Variants in LRP1B observed in about 807,000 individuals in gnomAD.
LRP1B encodes the protein low-density lipoprotein receptor-related protein 1B.
A neutral mutation model predicts 556.6 loss-of-function variants in LRP1B; 217 were observed. That is an observed-to-expected ratio of 0.39 (90% CI 0.35 to 0.44). LRP1B has a LOEUF of 0.44. LRP1B is among the 20% of genes least tolerant of loss of function. LRP1B has a pLI of 1.00. For missense variants in LRP1B, 5,053 were observed against 5,620.8 expected, an observed-to-expected ratio of 0.90 and a Z score of 3.23; for synonymous variants, 2,047 against 1,865.8, an observed-to-expected ratio of 1.10 and a Z score of -2.50.
chr2:140,340,865 C>T lies in LRP1B; in HGVS notation c.11893-5027G>A, dbSNP rs1681355771. Among the ~76,000 whole-genome samples, 5 of 151,368 alleles carry T rather than the reference C, an allele frequency of 3.3e-5. No individual in the cohort carries two copies. The Admixed American group carries it at 3.3e-4, about 10-fold the overall frequency. Reference sequence around the variant, plus strand: ...TCAGTTTGTGTCTATCACCAGTGTTCCCAATGTTTATACCTAACCTATTTC... The same window carrying T: ...TCAGTTTGTGTCTATCACCAGTGTTTCCAATGTTTATACCTAACCTATTTC... On this transcript the variant is annotated intron_variant, in intron 77 of 90. Transcript: ENST00000389484.
intron 1 of LRP1B, among the ~76,000 whole-genome samples, chr2:141,857,486 G>A (rs1275207670): frequency 6.6e-6 from 1 of 151,296 alleles, no homozygotes; most frequent in Admixed American, 6.6e-5. Context: ...GACTATAGGT[G>A]TATGCCCAGC....
intron 27 of LRP1B, among the ~76,000 whole-genome samples, chr2:140,866,283 C>T (rs1444103995): frequency 1.3e-5 from 2 of 152,078 alleles, no homozygotes; most frequent in Non-Finnish European, 1.5e-5. Flanking sequence ...GAAGGAAATT[C>T]TAGAGAAGCG....
At chr2:141,913,965 C>G (rs1319488720) in intron 1 of LRP1B, among the ~76,000 whole-genome samples, 3 of 152,100 alleles carry the variant, frequency 2.0e-5, no homozygotes, top group Non-Finnish European at 4.4e-5. Flanking sequence ...CCAGGATGGT[C>G]TCGATCTCCT....
intron 43 of LRP1B, among the ~76,000 whole-genome samples, chr2:140,563,115 C>T (rs973090558): frequency 6.6e-6 from 1 of 151,874 alleles, no homozygotes; most frequent in Non-Finnish European, 1.5e-5. Context: ...AAGCATAGAA[C>T]TCAAAGTTTC....
chr2:140,671,733 AT>A (rs1559045775), intron 41 of LRP1B, among the ~76,000 whole-genome samples: 1 of 151,946 alleles, frequency 6.6e-6, no homozygotes, highest in Non-Finnish European at 1.5e-5. Flanking sequence ...CATCTAGGAT[AT>A]TTTTTCCATC....
intron 77 of LRP1B, among the ~76,000 whole-genome samples, chr2:140,349,414 C>T (rs559051342): frequency 6.6e-6 from 1 of 151,918 alleles, no homozygotes; most frequent in East Asian, 1.9e-4. Context: ...ACAGAATCAT[C>T]CTGTTAATAG....
At chr2:140,264,415 G>A (rs1159509771) in intron 86 of LRP1B, among the ~76,000 whole-genome samples, 2 of 152,072 alleles carry the variant, frequency 1.3e-5, no homozygotes, top group African/African-American at 4.8e-5. Context: ...TTTTAGTGGG[G>A]ATGGGGTTTC....
At chr2:141,736,147 C>T (rs1186487108) in intron 2 of LRP1B, among the ~76,000 whole-genome samples, 2 of 151,966 alleles carry the variant, frequency 1.3e-5, no homozygotes, top group African/African-American at 4.8e-5. Context: ...CCTTGGAAAC[C>T]CAGACTAAAT....
rs139092560 is a variant in LRP1B, at chr2:141,102,902, T to C, written c.1014-40629A>G. ...AGTGAAACCCAAGTGAAATGTTTAC[T>C]TCTTAAACATCAGCACCAATTGTGA... On this transcript the variant is annotated intron_variant, in intron 7 of 90. Coordinates refer to ENST00000389484, the MANE Select transcript of LRP1B (RefSeq NM_018557.3). Among the ~76,000 whole-genome samples the C allele has an allele frequency of 9.0e-3, 1,371 of 152,246 alleles. 21 individuals carry two copies. The highest frequency in any genetic ancestry group is 0.031 in the African/African-American group (1,300 of 41,554).
intron 35 of LRP1B, among the ~76,000 whole-genome samples, chr2:140,743,713 A>T (rs1022974286): frequency 6.6e-6 from 1 of 152,066 alleles, no homozygotes; most frequent in Non-Finnish European, 1.5e-5. Context: ...TAATCTCAGC[A>T]CTTTGAAAGG....
rs775088240 is a variant in LRP1B at position 140,598,854 on chromosome 2, G to T, written c.6990-19C>A. On this transcript the variant is annotated intron_variant, in intron 42 of 90. Transcript: ENST00000389484. ...CATTAAACTAATTAAAATGAAAATT[G>T]TAACTATAAATTAAACTTCTCATCA... 1 of 1,500,432 alleles carries T rather than the reference G, an allele frequency of 6.7e-7. No homozygotes were observed. Among genetic ancestry groups the T allele is most frequent in the African/African-American group, 1.4e-5 (1 of 72,246 alleles). 92.9% of individuals were successfully genotyped at this position (1,500,432 alleles called of 1,614,324 possible).
intron 15 of LRP1B, among the ~76,000 whole-genome samples, chr2:141,001,779 C>T (rs749873615): frequency 2.6e-5 from 4 of 152,120 alleles, no homozygotes; most frequent in South Asian, 4.1e-4. Context: ...TCTGTGTGTG[C>T]GTGTGCGTGC....
At chr2:140,818,154 CTT>C (rs1308521739) in intron 31 of LRP1B, among the ~76,000 whole-genome samples, 1 of 151,952 alleles carries the variant, frequency 6.6e-6, no homozygotes, top group African/African-American at 2.4e-5. Context: ...AATGGTGAAA[CTT>C]TTGGAGACAG....
chr2:140,730,834 A>T (rs1254964127), intron 35 of LRP1B, among the ~76,000 whole-genome samples: 2 of 151,940 alleles, frequency 1.3e-5, no homozygotes, highest in Non-Finnish European at 2.9e-5. Context: ...TGAGATTACA[A>T]GCGTGAGCCG....
intron 2 of LRP1B, among the ~76,000 whole-genome samples, chr2:141,714,096 A>G (rs1201412210): frequency 6.6e-6 from 1 of 152,136 alleles, no homozygotes; most frequent in East Asian, 1.9e-4. Context: ...CTGCCTGTGA[A>G]CTCATAACAT....
intron 1 of LRP1B, among the ~76,000 whole-genome samples, chr2:141,959,948 A>G (rs772861585): frequency 2.6e-5 from 4 of 151,946 alleles, no homozygotes; most frequent in Middle Eastern, 3.2e-3. Flanking sequence ...TGTGCCAAGT[A>G]TTTAACACTG....
At chr2:140,646,845 A>C (rs1684502897) in intron 41 of LRP1B, among the ~76,000 whole-genome samples, 1 of 152,096 alleles carries the variant, frequency 6.6e-6, no homozygotes, top group African/African-American at 2.4e-5. Context: ...GATGTATGTA[A>C]TAGACATATG....
At chr2:141,898,329 T>G (rs548331064) in intron 1 of LRP1B, among the ~76,000 whole-genome samples, 1 of 152,126 alleles carries the variant, frequency 6.6e-6, no homozygotes, top group African/African-American at 2.4e-5. Flanking sequence ...AGGGCTCCCA[T>G]GTGTGGTTAA....
intron 1 of LRP1B, among the ~76,000 whole-genome samples, chr2:141,853,430 A>G (rs1697932779): frequency 6.6e-6 from 1 of 151,818 alleles, no homozygotes; most frequent in African/African-American, 2.4e-5. Context: ...TCCACGTTCT[A>G]CAGATGAATG....
Sources: allele counts gnomAD v4.1 joint callset (sites outside exome capture counted in the v4.1 genomes callset), GRCh38; gene constraint gnomAD v4.1.1; transcripts MANE v1.5; gene names NCBI Gene and HGNC (gene_info 2026-07-23, HGNC 2026-07-21).